The following EBF1 variants were observed in gnomAD, a reference collection of about 807,000 sequenced individuals.
The protein encoded by EBF1 is transcription factor COE1.
Under a neutral mutation model 68.4 loss-of-function variants are expected in EBF1, and 10 were observed. That is an observed-to-expected ratio of 0.15 (90% CI 0.09 to 0.25). The LOEUF (loss-of-function observed/expected upper bound fraction) is 0.25. EBF1 is among the 10% of genes least tolerant of loss of function. The probability of loss-of-function intolerance (pLI) is 1.00; values close to 1 mark genes in which losing one functional copy is unlikely to be tolerated. For synonymous variants in EBF1, 298 were observed against 299.8 expected, an observed-to-expected ratio of 0.99 and a Z score of 0.06; for missense variants, 509 against 794.4, an observed-to-expected ratio of 0.64 and a Z score of 4.32.
chr5:158,845,402 T>G (rs968662855), intron 6 of EBF1, among the ~76,000 whole-genome samples: 1 of 152,182 alleles, frequency 6.6e-6, no homozygotes, highest in Non-Finnish European at 1.5e-5. Context: ...TTATTTAACC[T>G]CTCTGTGCCT....
At chr5:158,993,909 T>C (rs542176994) in intron 6 of EBF1, among the ~76,000 whole-genome samples, 15 of 152,314 alleles carry the variant, frequency 9.8e-5, no homozygotes, top group Admixed American at 2.6e-4. Flanking sequence ...CAAGTCAAAA[T>C]GTAAGTCTGT....
rs145255354 is a variant in EBF1, at chr5:159,058,031, T to C, written c.554+15365A>G. Among the ~76,000 whole-genome samples the C allele has an allele frequency of 5.8e-4, 89 of 152,326 alleles. No homozygotes were observed. In the East Asian group the frequency reaches 0.015, roughly 26 times the overall value. ...TAAGTTTTGTATGTCTTGGTATACATTGAAGGTTCTTAGCTAAAGGGATGA... is the reference window on the plus strand; with the variant it reads ...TAAGTTTTGTATGTCTTGGTATACACTGAAGGTTCTTAGCTAAAGGGATGA... On this transcript the variant is annotated intron_variant, in intron 6 of 15. Coordinates refer to ENST00000313708, the MANE Select transcript of EBF1 (RefSeq NM_024007.5).
chr5:158,999,051 C>T (rs1561752227), intron 6 of EBF1, among the ~76,000 whole-genome samples: 1 of 151,702 alleles, frequency 6.6e-6, no homozygotes, highest in Non-Finnish European at 1.5e-5. Context: ...CTCAAGCACA[C>T]ACAAGAGTTT....
At chr5:158,761,762 A>T (rs116243500) in intron 10 of EBF1, among the ~76,000 whole-genome samples, 2,404 of 152,300 alleles carry the variant, frequency 0.016, 64 homozygotes, top group African/African-American at 0.054. Flanking sequence ...ATTCACAAAC[A>T]GTGGTTCTAA....
At chr5:158,940,350 A>G (rs769527623) in intron 6 of EBF1, among the ~76,000 whole-genome samples, 1 of 152,332 alleles carries the variant, frequency 6.6e-6, no homozygotes, top group Admixed American at 6.5e-5. Context: ...GAGTCCAGGG[A>G]GTAGTAATAA....
rs751289187 is a variant in EBF1 at position 158,748,946 on chromosome 5, G to A, written c.1037-17789C>T. Among the ~76,000 whole-genome samples the A allele has an allele frequency of 4.5e-4, 69 of 152,218 alleles. No individual in the cohort carries two copies. The Middle Eastern group carries it at 0.02, about 45-fold the overall frequency. The stretch of plus-strand genomic sequence containing the variant: ...TGCAGATTTCTCTCTTGAAATATTT[G>A]GCCTGTTTGAAAGTCCCACTTTGTC... On this transcript the variant is annotated intron_variant, in intron 10 of 15. Coordinates refer to ENST00000313708, the MANE Select transcript of EBF1 (RefSeq NM_024007.5).
At chr5:158,904,490 T>C (rs775743460) in intron 6 of EBF1, among the ~76,000 whole-genome samples, 1 of 152,214 alleles carries the variant, frequency 6.6e-6, no homozygotes, top group Non-Finnish European at 1.5e-5. Flanking sequence ...TCTGGTTTTA[T>C]TGTCAGCATT....
At chr5:158,866,845 ATATATATATATATATATATATATATAT>A (rs1419300977) in intron 6 of EBF1, among the ~76,000 whole-genome samples, 1 of 2,192 alleles carries the variant, frequency 4.6e-4, no homozygotes, top group Non-Finnish European at 1.1e-3. Flanking sequence ...ATATATATAT[ATATATATATATATATATATATATATAT>A]ATATATATAT....
intron 6 of EBF1, among the ~76,000 whole-genome samples, chr5:158,879,423 GAAAGAT>G (rs1798418393): frequency 6.6e-6 from 1 of 152,166 alleles, no homozygotes; most frequent in Non-Finnish European, 1.5e-5. Context: ...GTTTCTACCT[GAAAGAT>G]AATGAATGTG....
intron 6 of EBF1, among the ~76,000 whole-genome samples, chr5:159,000,501 C>A (rs552456232): frequency 6.6e-6 from 1 of 151,168 alleles, no homozygotes; most frequent in Non-Finnish European, 1.5e-5. Context: ...ATACAACTGA[C>A]AAACTATGGC....
chr5:158,839,939 A>C, intron 7 of EBF1, 90 bp downstream of exon 7: 1 of 1,319,330 alleles, frequency 7.6e-7, no homozygotes, highest in Non-Finnish European at 1.1e-6. Flanking sequence ...CTCTGGGAAA[A>C]AAAGCTACGT....
At chr5:158,735,281 C>T (rs976637361) in intron 10 of EBF1, among the ~76,000 whole-genome samples, 1 of 152,150 alleles carries the variant, frequency 6.6e-6, no homozygotes, top group Admixed American at 6.5e-5. Context: ...GCTCCTCTTT[C>T]TGACAAAGTC....
chr5:159,082,145 C>T (rs1214963452), intron 5 of EBF1, among the ~76,000 whole-genome samples: 3 of 150,726 alleles, frequency 2.0e-5, no homozygotes, highest in Non-Finnish European at 3.0e-5. Context: ...CTTTTTTTTT[C>T]CCCCTTTGCC....
At chr5:158,734,528 A>G (rs1764771735) in intron 10 of EBF1, among the ~76,000 whole-genome samples, 1 of 152,182 alleles carries the variant, frequency 6.6e-6, no homozygotes, top group Non-Finnish European at 1.5e-5. Context: ...ATCATAAAGA[A>G]TGGTATATTT....
intron 6 of EBF1, among the ~76,000 whole-genome samples, chr5:158,911,912 A>G (rs997058453): frequency 6.6e-6 from 1 of 152,220 alleles, no homozygotes; most frequent in African/African-American, 2.4e-5. Flanking sequence ...GTTCTGCATC[A>G]ATAATGATTC....
chr5:158,820,041 C>T lies in EBF1; in HGVS notation c.778+3135G>A, dbSNP rs183692138. On this transcript the variant is annotated intron_variant, in intron 8 of 15. Coordinates refer to ENST00000313708, the MANE Select transcript of EBF1 (RefSeq NM_024007.5). ...CCCATGCATGAATGTAAAGCACGAT[C>T]TCTGTCTCTACTTATACACAGAAAG... 3.7e-4 allele frequency among the ~76,000 whole-genome samples: 57 copies of T among 152,234 alleles called. No individual in the cohort carries two copies. In the East Asian group the frequency reaches 0.01, roughly 28 times the overall value.
intron 7 of EBF1, among the ~76,000 whole-genome samples, chr5:158,835,540 CA>C (rs1788570549): frequency 6.6e-6 from 1 of 152,162 alleles, no homozygotes; most frequent in Non-Finnish European, 1.5e-5. Context: ...TCTGCTAGGA[CA>C]AATATCTCTT....
At position 158,757,553 on chromosome 5, in the gene EBF1, C is replaced by T. The variant is rs71593310; in HGVS notation, c.1036+19860G>A. Among the ~76,000 whole-genome samples the T allele has an allele frequency of 9.4e-3, 1,426 of 152,244 alleles. 11 individuals are homozygous for T. The highest frequency in any genetic ancestry group is 0.02 in the Admixed American group (311 of 15,274). ...ATTTGTTGAATGAATAAATGGGGCA[C>T]AGTGCAACATTTCCATTACCTTTGT... On this transcript the variant is annotated intron_variant, in intron 10 of 15. Transcript: ENST00000313708.
intron 6 of EBF1, among the ~76,000 whole-genome samples, 187 bp from the exon 7 acceptor site, chr5:158,840,297 C>G (rs1031390971): frequency 2.0e-5 from 3 of 152,144 alleles, no homozygotes; most frequent in East Asian, 1.9e-4. Context: ...CTGGACCTTC[C>G]TTATGACACA....
Sources: gnomAD v4.1 joint callset for allele counts (sites outside exome capture counted in the v4.1 genomes callset) on GRCh38, gnomAD v4.1.1 for gene constraint, MANE v1.5 for transcripts, NCBI Gene and HGNC (gene_info 2026-07-23, HGNC 2026-07-21) for gene names.